CDH3: variants seen among roughly 807,000 people sequenced by gnomAD.
CDH3 encodes the protein cadherin-3.
A neutral mutation model predicts 82.0 loss-of-function variants in CDH3; 54 were observed. The observed-to-expected ratio is 0.66, with a 90% CI of 0.53 to 0.83. The LOEUF (loss-of-function observed/expected upper bound fraction) is 0.83. Ranked by LOEUF, CDH3 falls within the 40% of genes least tolerant of loss-of-function variation. The probability of loss-of-function intolerance (pLI) is 0.00; values close to 1 mark genes in which losing one functional copy is unlikely to be tolerated. For missense variants in CDH3, 1,054 were observed against 1,084.6 expected (o/e 0.97, Z 0.40); for synonymous variants, 446 against 437.9 (o/e 1.02, Z -0.23).
chr16:68,684,989 G>T (rs1000694439), intron 10 of CDH3, among the ~76,000 whole-genome samples, 165 bp downstream of exon 10: 1 of 152,186 alleles, frequency 6.6e-6, no homozygotes, highest in Non-Finnish European at 1.5e-5. Context: ...GACTGAATAG[G>T]GGTTTGGGGG....
In CDH3 at chr16:68,698,264, G is replaced by A; in HGVS notation, c.2354G>A (p.Ser785Asn). 1.2e-6 allele frequency: 2 copies of A among 1,614,252 alleles called. No individual in the cohort carries two copies. Among genetic ancestry groups the A allele is most frequent in the Non-Finnish European group, 1.7e-6 (2 of 1,180,052 alleles). Residue 785 changes from serine to asparagine, a missense_variant, in exon 16 of 16, where the codon AGC becomes AAC. Physicochemically the swap from Ser to Asn is conservative, Grantham distance 46. Transcript: ENST00000264012. ...CTCTTGGTGTTCGACTATGAGGGCA[G>A]CGGCTCCGACGCCGCGTCCCTGAGC... ...DTLLVFDYEG[S>N]GSDAASLSSL...
At chr16:68,682,157 T>G in intron 8 of CDH3, 145 bp from the exon 9 acceptor site, 1 of 822,668 alleles carries the variant, frequency 1.2e-6, no homozygotes, top group Non-Finnish European at 2.0e-6. Flanking sequence ...CCGCTGTGTA[T>G]ACCCTGAAAC....
intron 8 of CDH3, among the ~76,000 whole-genome samples, chr16:68,681,425 TC>T (rs1207869889): frequency 6.6e-5 from 10 of 152,228 alleles, no homozygotes; most frequent in African/African-American, 2.2e-4. Flanking sequence ...GCCCATCTTT[TC>T]CCAGTGAATG....
rs114408705 is a variant in CDH3 at position 68,681,109 on chromosome 16, C to T, written c.996+13C>T. ...TGACCCCCAGAAGGTAATGCCCCTT[C>T]CTCACTCAGTCCCTCATCAGATAAT... On this transcript the variant is annotated intron_variant, in intron 8 of 15. Transcript: ENST00000264012. 1,531 of 1,613,762 alleles carry T rather than the reference C, an allele frequency of 9.5e-4. 16 individuals are homozygous for T. In the African/African-American group the frequency reaches 0.018, roughly 19 times the overall value.
chr16:68,656,378 CATTTA>C (rs2152091785), intron 2 of CDH3, among the ~76,000 whole-genome samples: 1 of 152,254 alleles, frequency 6.6e-6, no homozygotes, highest in Non-Finnish European at 1.5e-5. Flanking sequence ...TTTCTCATTT[CATTTA>C]GTCACCTGGC....
chr16:68,646,673 C>CT (rs35394836), intron 2 of CDH3, among the ~76,000 whole-genome samples: 112,910 of 151,918 alleles, frequency 0.74, 42,099 homozygotes, highest in East Asian at 0.79. Context: ...GGGTTGAAAC[C>CT]TAGTTCTTAA....
intron 1 of CDH3, among the ~76,000 whole-genome samples, chr16:68,711,762 G>A (rs1962033786): frequency 6.6e-6 from 1 of 152,206 alleles, no homozygotes; most frequent in African/African-American, 2.4e-5. Flanking sequence ...TAGGGGGCAC[G>A]AGGGCGAGGG....
At chr16:68,645,557 T>C (rs1960028214) in intron 1 of CDH3, 79 bp from the exon 2 acceptor site, 1 of 1,446,996 alleles carries the variant, frequency 6.9e-7, no homozygotes, top group African/African-American at 1.4e-5. Context: ...GGAAGGCCCG[T>C]GAGGACCCTG....
downstream of CDH3, among the ~76,000 whole-genome samples, chr16:68,728,405 T>C (rs1962249150): frequency 6.6e-6 from 1 of 152,136 alleles, no homozygotes; most frequent in African/African-American, 2.4e-5. Flanking sequence ...GACCTCGTCA[T>C]CTGCCCGCCT....
At chr16:68,704,843 C>A (rs1961940855), downstream of CDH3, among the ~76,000 whole-genome samples, 1 of 152,172 alleles carries the variant, frequency 6.6e-6, no homozygotes, top group Non-Finnish European at 1.5e-5. Flanking sequence ...ATCATTTGAG[C>A]CCAGGAGTTC....
downstream of CDH3, among the ~76,000 whole-genome samples, chr16:68,705,064 A>G (rs1567461514): frequency 6.6e-6 from 1 of 152,140 alleles, no homozygotes. Flanking sequence ...CCTGCCTCAA[A>G]AAAAACGAAA....
At chr16:68,676,332 A>G in intron 2 of CDH3, 53 bp from the exon 3 acceptor site, 1 of 1,333,112 alleles carries the variant, frequency 7.5e-7, no homozygotes, top group African/African-American at 1.4e-5. Flanking sequence ...TTCCTGGGGC[A>G]ACTTCCAGAA....
Position 68,693,195 on chromosome 16 carries a change from G to A in CDH3, c.2002+1269G>A, listed in dbSNP as rs148157011. ...CATGTCAGGCCTCATAGGTTATTGT[G>A]AAGACTCTGGGTAGAACTGAAAGTT... is the stretch of plus-strand genomic sequence containing the variant. On this transcript the variant is annotated intron_variant, in intron 13 of 15. Transcript: ENST00000264012. 4.0e-3 allele frequency among the ~76,000 whole-genome samples: 604 copies of A among 152,312 alleles called. 2 individuals carry two copies. Among genetic ancestry groups the A allele is most frequent in the Middle Eastern group, 0.01 (3 of 294 alleles).
intron 9 of CDH3, among the ~76,000 whole-genome samples, chr16:68,684,250 A>G (rs930277729): frequency 6.6e-6 from 1 of 152,158 alleles, no homozygotes; most frequent in African/African-American, 2.4e-5. Context: ...GTCTCAAGCA[A>G]TCCAGCAGCC....
At chr16:68,693,669 A>G (rs9888942) in intron 13 of CDH3, among the ~76,000 whole-genome samples, 92,159 of 151,858 alleles carry the variant, frequency 0.61, 28,200 homozygotes, top group African/African-American at 0.64. Flanking sequence ...CCACATGTGC[A>G]TGCATCTTCA....
chr16:68,646,093 A>C, intron 2 of CDH3: 1 of 315,400 alleles, frequency 3.2e-6, no homozygotes, highest in East Asian at 7.4e-5. Context: ...TTCTTCCCCC[A>C]ACCCGCGCGC....
intron 1 of CDH3, among the ~76,000 whole-genome samples, chr16:68,708,033 TACAAG>T (rs1440970020): frequency 6.6e-6 from 1 of 151,802 alleles, no homozygotes; most frequent in East Asian, 1.9e-4. Flanking sequence ...GCCCACTAAT[TACAAG>T]AATGATAGAC....
intron 1 of CDH3, among the ~76,000 whole-genome samples, chr16:68,716,235 A>G (rs1017734792): frequency 2.0e-5 from 3 of 151,754 alleles, no homozygotes; most frequent in African/African-American, 7.3e-5. Flanking sequence ...AAAAAAGACT[A>G]AGCACTGGAA....
intron 2 of CDH3, among the ~76,000 whole-genome samples, chr16:68,649,032 A>G (rs1313983034): frequency 6.6e-6 from 1 of 152,110 alleles, no homozygotes; most frequent in Non-Finnish European, 1.5e-5. Flanking sequence ...CCAGTGCCAC[A>G]GTCTGGGGGC....
Sources: gnomAD v4.1 joint callset for allele counts (sites outside exome capture counted in the v4.1 genomes callset) on GRCh38, gnomAD v4.1.1 for gene constraint, MANE v1.5 for transcripts, NCBI Gene and HGNC (gene_info 2026-07-23, HGNC 2026-07-21) for gene names.